Variants in TLE1 observed in about 807,000 individuals in gnomAD.
The protein encoded by TLE1 is TLE family member 1, transcriptional corepressor, also known as transducin-like enhancer protein 1.
A neutral mutation model predicts 89.8 loss-of-function variants in TLE1; 21 were observed. That is an observed-to-expected ratio of 0.23 (90% CI 0.17 to 0.34). The LOEUF is 0.34. Among genes scored for constraint, TLE1 ranks in the 10% least tolerant of loss-of-function variants. The pLI, the probability that TLE1 is intolerant of heterozygous loss-of-function variation, is 1.00. For missense variants in TLE1, 795 were observed against 1,031.2 expected, an observed-to-expected ratio of 0.77 and a Z score of 3.14; for synonymous variants, 447 against 407.6, an observed-to-expected ratio of 1.10 and a Z score of -1.16.
chr9:81,657,504 C>T (rs1025802593), intron 4 of TLE1, among the ~76,000 whole-genome samples: 1 of 152,084 alleles, frequency 6.6e-6, no homozygotes, highest in Non-Finnish European at 1.5e-5. Context: ...TGTGTTACTA[C>T]CTAGAATGGC....
intron 6 of TLE1, among the ~76,000 whole-genome samples, chr9:81,649,729 T>C (rs1340143649): frequency 2.6e-5 from 4 of 152,126 alleles, no homozygotes; most frequent in African/African-American, 9.7e-5. Context: ...CTGCTGCTTG[T>C]AGGAACAGAC....
chr9:81,610,668 C>T (rs934246835), intron 13 of TLE1, among the ~76,000 whole-genome samples: 4 of 152,076 alleles, frequency 2.6e-5, no homozygotes, highest in African/African-American at 4.8e-5. Flanking sequence ...TGTTAGGGGC[C>T]GTCCTGGGCG....
intron 6 of TLE1, among the ~76,000 whole-genome samples, chr9:81,641,318 C>T (rs1188729346): frequency 2.0e-5 from 3 of 152,148 alleles, no homozygotes; most frequent in East Asian, 1.9e-4. Flanking sequence ...CAGGAGTTAT[C>T]GCAAAACCTC....
chr9:81,678,508 C>T lies in TLE1; in HGVS notation c.234+7168G>A, dbSNP rs367859538. ...CATGAGCCACATGCCTGGCTTGCAACTTAGTAATTATTAAAAATTTAGGGG... is the reference window on the plus strand; with the variant it reads ...CATGAGCCACATGCCTGGCTTGCAATTTAGTAATTATTAAAAATTTAGGGG... On this transcript the variant is annotated intron_variant, in intron 4 of 19. Coordinates refer to ENST00000376499, the MANE Select transcript of TLE1 (RefSeq NM_005077.5). Among the ~76,000 whole-genome samples, 11 of 152,260 alleles carry T rather than the reference C, an allele frequency of 7.2e-5. No homozygotes were observed. In the East Asian group the frequency reaches 2.1e-3, roughly 29 times the overall value.
chr9:81,604,701 G>A (rs843816), intron 14 of TLE1, among the ~76,000 whole-genome samples: 25,041 of 151,960 alleles, frequency 0.16, 2,620 homozygotes, highest in Non-Finnish European at 0.23. Flanking sequence ...TATACTAAAG[G>A]GACATTAAGG....
At chr9:81,584,965 C>CCCATCCATCCATCCATCCAT in intron 18 of TLE1, among the ~76,000 whole-genome samples, 1 of 149,378 alleles carries the variant, frequency 6.7e-6, no homozygotes, top group Non-Finnish European at 1.5e-5. Context: ...CACTCATCCA[C>CCCATCCATCCATCCATCCAT]CCATCCATCC....
At chr9:81,653,206 G>A (rs1030412056) in intron 5 of TLE1, among the ~76,000 whole-genome samples, 1 of 152,130 alleles carries the variant, frequency 6.6e-6, no homozygotes, top group Non-Finnish European at 1.5e-5. Context: ...GTGACCATCC[G>A]GCATGGAGCA....
intron 1 of TLE1, 92 bp downstream of exon 1, chr9:81,688,125 C>T (rs544053643): frequency 1.3e-6 from 2 of 1,523,014 alleles, no homozygotes; most frequent in Non-Finnish European, 1.8e-6. Flanking sequence ...AGAAGGTCCG[C>T]CGGGCCTCAG....
intron 4 of TLE1, among the ~76,000 whole-genome samples, chr9:81,668,700 T>C (rs769309657): frequency 3.1e-4 from 47 of 152,010 alleles, no homozygotes; most frequent in Middle Eastern, 6.8e-3. Flanking sequence ...TAATTAAAAG[T>C]ATGCCAAAAA....
At chr9:81,596,308 T>C (rs1830202843) in intron 14 of TLE1, among the ~76,000 whole-genome samples, 1 of 152,170 alleles carries the variant, frequency 6.6e-6, no homozygotes, top group Non-Finnish European at 1.5e-5. Flanking sequence ...GAAGCCCATA[T>C]GGATGTTAAT....
At chr9:81,593,576 A>T (rs973656132) in intron 14 of TLE1, among the ~76,000 whole-genome samples, 67 of 152,300 alleles carry the variant, frequency 4.4e-4, no homozygotes, top group African/African-American at 1.3e-3. Flanking sequence ...ATTATAAAAC[A>T]CTTAATGTAC....
intron 14 of TLE1, among the ~76,000 whole-genome samples, chr9:81,604,243 T>C (rs1831341732): frequency 6.6e-6 from 1 of 152,174 alleles, no homozygotes; most frequent in African/African-American, 2.4e-5. Flanking sequence ...GAGCTCCCGG[T>C]GGGGTCCCCT....
At chr9:81,584,851 A>G (rs2131719373) in intron 18 of TLE1, among the ~76,000 whole-genome samples, 1 of 152,288 alleles carries the variant, frequency 6.6e-6, no homozygotes, top group East Asian at 1.9e-4. Context: ...AAATGGGATT[A>G]AAGATTCCCA....
intron 10 of TLE1, 116 bp downstream of exon 10, chr9:81,616,530 A>T: frequency 1.0e-6 from 1 of 965,482 alleles, no homozygotes; most frequent in Non-Finnish European, 1.6e-6. Context: ...TTAATGTAAG[A>T]AGTTGCAAGA....
rs534365327 is a variant in TLE1 at position 81,620,712 on chromosome 9, T to G, written c.595-155A>C. The G allele has an allele frequency of 6.1e-6, 6 of 985,414 alleles. No homozygotes were observed. In the South Asian group the frequency reaches 1.9e-4, roughly 31 times the overall value. The allele number at this position is 985,414 out of a possible 1,614,324, so 61.0% of individuals were successfully genotyped here. ...CATCTAAAGACTTTGATGGCAAACA[T>G]ATCTACAGGTTTACACACTTAAAAG... On this transcript the variant is annotated intron_variant, in intron 8 of 19. Coordinates refer to ENST00000376499, the MANE Select transcript of TLE1 (RefSeq NM_005077.5).
At chr9:81,651,787 G>C (rs1436006451) in intron 6 of TLE1, among the ~76,000 whole-genome samples, 1 of 152,002 alleles carries the variant, frequency 6.6e-6, no homozygotes, top group Non-Finnish European at 1.5e-5. Context: ...GGGTGGTTTA[G>C]GTGTCACAGG....
At chr9:81,662,358 G>GTT (rs993794813) in intron 4 of TLE1, among the ~76,000 whole-genome samples, 11 of 97,166 alleles carry the variant, frequency 1.1e-4, no homozygotes, top group South Asian at 3.6e-4. Flanking sequence ...TAGTGTGCCT[G>GTT]TTTTGTGTGT....
intron 14 of TLE1, among the ~76,000 whole-genome samples, chr9:81,598,157 G>A (rs1007514451): frequency 6.6e-5 from 10 of 152,064 alleles, no homozygotes; most frequent in African/African-American, 1.9e-4. Flanking sequence ...ACCTTCATTC[G>A]CTCTTCAAGC....
intron 4 of TLE1, among the ~76,000 whole-genome samples, chr9:81,684,019 G>A (rs1394478129): frequency 6.6e-6 from 1 of 151,968 alleles, no homozygotes; most frequent in Non-Finnish European, 1.5e-5. Flanking sequence ...CACTGAGGTG[G>A]TGTTCCCTTG....
Sources: allele counts gnomAD v4.1 joint callset (sites outside exome capture counted in the v4.1 genomes callset), GRCh38; gene constraint gnomAD v4.1.1; transcripts MANE v1.5; gene names NCBI Gene and HGNC (gene_info 2026-07-23, HGNC 2026-07-21).